The following DDX54 variants were observed in gnomAD, a reference collection of about 807,000 sequenced individuals.
DDX54 encodes the protein ATP-dependent RNA helicase DDX54.
DDX54 carries 67 observed loss-of-function variants against 105.5 expected under a neutral mutation model. The ratio of observed to expected loss-of-function variants is 0.64; its 90% CI spans 0.52 to 0.78. The LOEUF is 0.78. DDX54 is among the 30% of genes least tolerant of loss of function. The pLI is 0.00. For missense variants in DDX54, 1,206 were observed against 1,230.5 expected, an observed-to-expected ratio of 0.98 and a Z score of 0.30; for synonymous variants, 514 against 509.9, an observed-to-expected ratio of 1.01 and a Z score of -0.11.
At position 113,164,247 on chromosome 12, in the gene DDX54, G is replaced by A. The variant is rs911297149; in HGVS notation, c.1758C>T (p.Cys586=). Residue 586 remains cysteine (C), a synonymous_variant, in exon 15 of 20, where the codon TGC becomes TGT. Coordinates refer to ENST00000306014, the MANE Select transcript of DDX54 (RefSeq NM_024072.4). The part of the protein sequence containing the change: ...FEINASSRDL[C]SQVMRAKRQK... ...GCCGCTTGGCGCGCATCACCTGGCT[G>A]CACAGGTCTCGGCTGGAGGCGTTGA... The A allele has an allele frequency of 1.3e-6, 2 of 1,597,166 alleles. No individual in the cohort carries two copies. The highest frequency in any genetic ancestry group is 1.7e-5 in the Admixed American group (1 of 58,020).
At chr12:113,173,604 G>GA (rs935525046) in intron 10 of DDX54, among the ~76,000 whole-genome samples, 5 of 152,214 alleles carry the variant, frequency 3.3e-5, no homozygotes, top group South Asian at 2.1e-4. Flanking sequence ...TAACACATAT[G>GA]AAAAAAATCT....
intron 1 of DDX54, 54 bp from the exon 2 acceptor site, chr12:113,181,112 G>C (rs761656747): frequency 2.6e-4 from 402 of 1,575,332 alleles, no homozygotes; most frequent in Non-Finnish European, 3.4e-4. Context: ...GGGACCACAG[G>C]GGGCAGGGAA....
At position 113,163,943 on chromosome 12, in the gene DDX54, G is replaced by A; in HGVS notation, c.1938+124C>T. The A allele has an allele frequency of 7.0e-7, 1 of 1,425,700 alleles. No individual in the cohort carries two copies. Among genetic ancestry groups the A allele is most frequent in the African/African-American group, 1.4e-5 (1 of 69,726 alleles). 88.3% of individuals were successfully genotyped at this position (1,425,700 alleles called of 1,614,324 possible). On this transcript the variant is annotated intron_variant, in intron 15 of 19. Transcript: ENST00000306014. This position sits in a 1 kb window ranked among gnomAD's most constrained non-coding sequence, Gnocchi z 5.9. ...GAACCATGCCCCGACTCTGCAGATG[G>A]GAAGCTGACTGCATCCACCTCCATC...
Position 113,175,018 on chromosome 12 carries a change from C to T in DDX54, c.874+18G>A. ...CAGCCTGACCCCCAGCCCCCATCTC[C>T]ACCCCCAGCTCACGCACCAGCCCGG... On this transcript the variant is annotated intron_variant, in intron 8 of 19. Coordinates refer to ENST00000306014, the MANE Select transcript of DDX54 (RefSeq NM_024072.4). 1.9e-6 allele frequency: 3 copies of T among 1,613,474 alleles called. No homozygotes were observed. Among genetic ancestry groups the T allele is most frequent in the South Asian group, 1.1e-5 (1 of 91,058 alleles).
Position 113,185,334 on chromosome 12 carries a change from CG to C in DDX54, c.117del (p.Ser39ArgfsTer65). ...ATCTCAAACTCGCCGTCCTCCGAGT[CG>C]CTGCCGCGGGCCTGGGAGGCCGCGC... ...RRGAASQARG[S>X]DSEDGEFEIQ... is the part of the protein sequence containing the mutation. On this transcript the variant is annotated frameshift_variant, in exon 1 of 20. Transcript: ENST00000306014. LOFTEE classifies it high-confidence loss of function. 3 of 1,586,702 alleles carry C rather than the reference CG, an allele frequency of 1.9e-6. No homozygotes were observed. Among genetic ancestry groups the C allele is most frequent in the Non-Finnish European group, 2.6e-6 (3 of 1,169,930 alleles).
At chr12:113,177,501 T>C (rs1952417979) in intron 5 of DDX54, 1 of 175,414 alleles carries the variant, frequency 5.7e-6, no homozygotes, top group African/African-American at 2.4e-5. Flanking sequence ...TCCCTAATTT[T>C]AGCCCTCCTC....
At chr12:113,159,471 T>G (rs1441238934) in intron 19 of DDX54, among the ~76,000 whole-genome samples, 1 of 152,142 alleles carries the variant, frequency 6.6e-6, no homozygotes, top group African/African-American at 2.4e-5. Flanking sequence ...TCAAGGCCTG[T>G]CCCATAGTGG....
intron 14 of DDX54, among the ~76,000 whole-genome samples, chr12:113,164,518 A>G (rs920335460): frequency 6.6e-6 from 1 of 152,066 alleles, no homozygotes; most frequent in Non-Finnish European, 1.5e-5. Context: ...GTTCGAGACT[A>G]GCCTGGCCAA....
Position 113,172,495 on chromosome 12 carries a change from G to A in DDX54, c.1137C>T (p.Ile379=), listed in dbSNP as rs754305306. 3.7e-6 allele frequency: 6 copies of A among 1,614,270 alleles called. No homozygotes were observed. In the South Asian group the frequency reaches 6.6e-5, roughly 18 times the overall value. Residue 379 remains isoleucine, a synonymous_variant, in exon 11 of 20, where the codon ATC becomes ATT. Coordinates refer to ENST00000306014, the MANE Select transcript of DDX54 (RefSeq NM_024072.4). ...YSALDPTARK[I]NLAKFTLGKC... ...TGCCAAGCGTGAATTTGGCGAGATTGATCTTGCGGGCTGTCGGGTCTAGGG... is the reference window on the plus strand; with the variant it reads ...TGCCAAGCGTGAATTTGGCGAGATTAATCTTGCGGGCTGTCGGGTCTAGGG...
rs185009775 is a variant in DDX54, at chr12:113,174,461, T to C, written c.1068+179A>G. On this transcript the variant is annotated intron_variant, in intron 10 of 19. Transcript: ENST00000306014. The stretch of plus-strand genomic sequence containing the variant: ...ACGATTGTGCCACTGCACTCTAGCC[T>C]GGATGGCAGAGCGAGGCTCCGTCTC... 4.5e-3 allele frequency among the ~76,000 whole-genome samples: 691 copies of C among 152,278 alleles called. 7 individuals are homozygous for C. Among genetic ancestry groups the C allele is most frequent in the African/African-American group, 0.015 (634 of 41,558 alleles).
At chr12:113,169,984 G>A in intron 11 of DDX54, 80 bp from the exon 12 acceptor site, 2 of 1,563,846 alleles carry the variant, frequency 1.3e-6, no homozygotes, top group East Asian at 2.3e-5. Flanking sequence ...CAGACCCTGA[G>A]CAGGTGAGCC....
intron 11 of DDX54, among the ~76,000 whole-genome samples, chr12:113,171,259 G>T (rs1383976776): frequency 6.6e-6 from 1 of 152,150 alleles, no homozygotes; most frequent in African/African-American, 2.4e-5. Flanking sequence ...CTGCGGGAGG[G>T]GAATAAGGAG....
Position 113,163,349 on chromosome 12 carries a change from C to G in DDX54, c.1939-75G>C. 6.5e-7 allele frequency: 1 copy of G among 1,532,136 alleles called. No homozygotes were observed. Among genetic ancestry groups the G allele is most frequent in the Non-Finnish European group, 8.7e-7 (1 of 1,143,994 alleles). The allele number at this position is 1,532,136 out of a possible 1,614,324, so 94.9% of individuals were successfully genotyped here. A position where few individuals can be genotyped will look rare whatever the true frequency, so the allele number is the denominator to read the frequency against. On this transcript the variant is annotated intron_variant, in intron 15 of 19. Transcript: ENST00000306014. The surrounding 1 kb of genome is among the most constrained non-coding windows in gnomAD (Gnocchi z 5.9). ...GACTTCCCCCTGCCTCCCTACCCAC[C>G]AGCCTGGCCACAGTGAGGGGCCAGT... is the stretch of plus-strand genomic sequence containing the variant.
intron 7 of DDX54, among the ~76,000 whole-genome samples, chr12:113,176,022 C>T (rs1952398340): frequency 6.6e-6 from 1 of 151,790 alleles, no homozygotes; most frequent in Non-Finnish European, 1.5e-5. Flanking sequence ...CCCCCACAAC[C>T]CCCTCCCCAA....
chr12:113,167,870 C>T, intron 12 of DDX54: 1 of 489,292 alleles, frequency 2.0e-6, no homozygotes, highest in Non-Finnish European at 4.1e-6. Context: ...CTGCCTCTGG[C>T]CCTGGGCGCA....
At chr12:113,178,944 T>C (rs1952434870) in intron 5 of DDX54, 33 bp downstream of exon 5, 10 of 1,612,646 alleles carry the variant, frequency 6.2e-6, no homozygotes, top group Non-Finnish European at 8.5e-6. Flanking sequence ...GCCTGCATGG[T>C]GGTGACCCTG....
At position 113,167,518 on chromosome 12, in the gene DDX54, T is replaced by C. The variant is rs1352957080; in HGVS notation, c.1415-1486A>G. Reference sequence around the variant, plus strand: ...TTGGCCAATCTTGCAAGAAAGGCCCTGATGAGTCCCTTTTAGAGAGGAGGA... The same window carrying C: ...TTGGCCAATCTTGCAAGAAAGGCCCCGATGAGTCCCTTTTAGAGAGGAGGA... On this transcript the variant is annotated intron_variant, in intron 12 of 19. Transcript: ENST00000306014. Among the ~76,000 whole-genome samples the C allele has an allele frequency of 3.3e-5, 5 of 152,358 alleles. No homozygotes were observed. The East Asian group carries it at 5.8e-4, about 18-fold the overall frequency.
intron 5 of DDX54, among the ~76,000 whole-genome samples, chr12:113,177,944 TAAC>T (rs1373364037): frequency 6.6e-6 from 1 of 152,196 alleles, no homozygotes. Flanking sequence ...TTCTGCTTTC[TAAC>T]AGCCCACAGC....
At chr12:113,161,211 A>AG in intron 19 of DDX54, 59 bp downstream of exon 19, 1 of 1,424,634 alleles carries the variant, frequency 7.0e-7, no homozygotes, top group Non-Finnish European at 9.7e-7. Flanking sequence ...GCGTTACCCT[A>AG]ATCTGACCAC....
Sources: allele counts gnomAD v4.1 joint callset (sites outside exome capture counted in the v4.1 genomes callset), GRCh38; gene constraint gnomAD v4.1.1; non-coding constraint Gnocchi (gnomAD v3.1); transcripts MANE v1.5; gene names NCBI Gene and HGNC (gene_info 2026-07-23, HGNC 2026-07-21).